Variants in IQCJ observed in about 807,000 individuals in gnomAD.
IQCJ encodes IQ motif containing J.
Under a neutral mutation model 11.0 loss-of-function variants are expected in IQCJ, and 9 were observed. The ratio of observed to expected loss-of-function variants is 0.82; its 90% confidence interval spans 0.49 to 1.43. IQCJ has a LOEUF of 1.43. Ranked by LOEUF, IQCJ falls within the 40% of genes most tolerant of loss-of-function variation. The pLI is 0.00. For missense variants in IQCJ, 146 were observed against 133.2 expected, an observed-to-expected ratio of 1.10 and a Z score of -0.47; for synonymous variants, 55 against 51.3, an observed-to-expected ratio of 1.07 and a Z score of -0.31.
At chr3:159,116,640 A>ATATC (rs1719029025) in intron 1 of IQCJ, among the ~76,000 whole-genome samples, 1 of 33,794 alleles carries the variant, frequency 3.0e-5, no homozygotes, top group African/African-American at 1.2e-4. Context: ...ATATATATAT[A>ATATC]TATATATATA....
chr3:159,173,302 A>C (rs1160284704), intron 1 of IQCJ, among the ~76,000 whole-genome samples: 1 of 152,210 alleles, frequency 6.6e-6, no homozygotes, highest in East Asian at 1.9e-4. Context: ...AGCTGTTGAC[A>C]CTGATACAAT....
At chr3:159,214,712 T>C (rs1339348131) in intron 1 of IQCJ, among the ~76,000 whole-genome samples, 1 of 152,196 alleles carries the variant, frequency 6.6e-6, no homozygotes, top group East Asian at 1.9e-4. Flanking sequence ...TGCACAGACA[T>C]AAGGTGAAGT....
intron 1 of IQCJ, among the ~76,000 whole-genome samples, chr3:159,209,837 T>C (rs1047456519): frequency 2.0e-5 from 3 of 152,208 alleles, no homozygotes; most frequent in African/African-American, 7.2e-5. Context: ...GATCCTCCTG[T>C]AGAGCATTTG....
chr3:159,238,901 C>T (rs1287543591), intron 1 of IQCJ, among the ~76,000 whole-genome samples: 3 of 152,198 alleles, frequency 2.0e-5, no homozygotes, highest in Admixed American at 2.0e-4. Context: ...TCACACAGAC[C>T]TTGGCTGAGG....
At chr3:159,114,771 G>A (rs1718860973) in intron 1 of IQCJ, among the ~76,000 whole-genome samples, 1 of 152,128 alleles carries the variant, frequency 6.6e-6, no homozygotes, top group Non-Finnish European at 1.5e-5. Flanking sequence ...GCTGCTCCTG[G>A]TTTCCAAACT....
chr3:159,189,080 G>T (rs1327794429), intron 1 of IQCJ, among the ~76,000 whole-genome samples: 4 of 152,128 alleles, frequency 2.6e-5, no homozygotes, highest in African/African-American at 9.7e-5. Context: ...GCAAGCCTCT[G>T]TAAGGTTCCA....
intron 3 of IQCJ, among the ~76,000 whole-genome samples, chr3:159,259,097 T>TATGC (rs1230090432): frequency 1.3e-5 from 2 of 152,108 alleles, no homozygotes; most frequent in Admixed American, 6.6e-5. Context: ...TAGATAAACA[T>TATGC]ATGCATTGGC....
chr3:159,078,957 G>A (rs372857944), intron 1 of IQCJ, among the ~76,000 whole-genome samples: 1 of 152,022 alleles, frequency 6.6e-6, no homozygotes, highest in Non-Finnish European at 1.5e-5. Context: ...AACACCCATG[G>A]CAATAATAAT....
At chr3:159,145,055 T>A (rs938176389) in intron 1 of IQCJ, among the ~76,000 whole-genome samples, 14 of 152,202 alleles carry the variant, frequency 9.2e-5, no homozygotes, top group African/African-American at 3.4e-4. Flanking sequence ...CTCTGTTTCC[T>A]TTCATTGGTG....
At chr3:159,253,031 T>A (rs1297126862) in intron 3 of IQCJ, among the ~76,000 whole-genome samples, 1 of 152,208 alleles carries the variant, frequency 6.6e-6, no homozygotes, top group Non-Finnish European at 1.5e-5. Context: ...TTCACCACTT[T>A]TTGGTTTTTC....
intron 1 of IQCJ, among the ~76,000 whole-genome samples, chr3:159,128,991 T>C (rs1229024522): frequency 6.6e-6 from 1 of 152,156 alleles, no homozygotes; most frequent in Non-Finnish European, 1.5e-5. Context: ...TTTGCTAAAA[T>C]CTTATCCACT....
At chr3:159,162,976 C>A (rs1239024367) in intron 1 of IQCJ, among the ~76,000 whole-genome samples, 1 of 152,146 alleles carries the variant, frequency 6.6e-6, no homozygotes, top group African/African-American at 2.4e-5. Context: ...GGATTCACAG[C>A]CGAATTCTAC....
intron 1 of IQCJ, among the ~76,000 whole-genome samples, chr3:159,184,006 A>G (rs765540242): frequency 6.6e-6 from 1 of 151,442 alleles, no homozygotes; most frequent in Non-Finnish European, 1.5e-5. Flanking sequence ...CGCAGCAGCC[A>G]GAGATCTTTG....
intron 1 of IQCJ, among the ~76,000 whole-genome samples, chr3:159,144,372 G>A (rs1560001763): frequency 6.6e-6 from 1 of 152,212 alleles, no homozygotes; most frequent in Non-Finnish European, 1.5e-5. Context: ...TTCAAGCACA[G>A]ATAGCTGGCA....
At chr3:159,178,807 G>C (rs1329158549) in intron 1 of IQCJ, among the ~76,000 whole-genome samples, 1 of 152,134 alleles carries the variant, frequency 6.6e-6, no homozygotes, top group Non-Finnish European at 1.5e-5. Flanking sequence ...AGGAGGTCCA[G>C]AGGGGTCATA....
intron 1 of IQCJ, among the ~76,000 whole-genome samples, chr3:159,142,434 C>A (rs1225729351): frequency 1.1e-4 from 2 of 18,110 alleles, no homozygotes; most frequent in East Asian, 2.3e-3. Context: ...CCCCCCCCCA[C>A]CAGATGGAGT....
In IQCJ at chr3:159,187,993, C is replaced by T. The variant is rs578025326; in HGVS notation, c.10-57850C>T. On this transcript the variant is annotated intron_variant, in intron 1 of 3. Coordinates refer to ENST00000397832, the MANE Select transcript of IQCJ (RefSeq NM_001042706.3). The stretch of plus-strand genomic sequence containing the variant: ...CGGCGCTGGGCATGGGTCAGTCCAC[C>T]CAAGCTACCGACCAGAGAGGTGATT... Among the ~76,000 whole-genome samples, 5 of 152,266 alleles carry T rather than the reference C, an allele frequency of 3.3e-5. No individual in the cohort carries two copies. The East Asian group carries it at 9.6e-4, about 29-fold the overall frequency.
chr3:159,264,893 G>C (rs1384714351), downstream of IQCJ, among the ~76,000 whole-genome samples: 1 of 149,372 alleles, frequency 6.7e-6, no homozygotes, highest in African/African-American at 2.5e-5. Flanking sequence ...CTCCAGCCTG[G>C]ATGACAGAGG....
At chr3:159,240,401 C>T (rs1726850637) in intron 1 of IQCJ, among the ~76,000 whole-genome samples, 1 of 152,080 alleles carries the variant, frequency 6.6e-6, no homozygotes, top group East Asian at 1.9e-4. Flanking sequence ...TAAAAAGAAT[C>T]CTTGTGGCAA....
Sources: gnomAD v4.1 joint callset for allele counts (sites outside exome capture counted in the v4.1 genomes callset) on GRCh38, gnomAD v4.1.1 for gene constraint, MANE v1.5 for transcripts, NCBI Gene and HGNC (gene_info 2026-07-23, HGNC 2026-07-21) for gene names.